TMEM117: variants seen among roughly 807,000 people sequenced by gnomAD.
TMEM117 encodes the protein transmembrane protein 117.
In TMEM117, 27 loss-of-function variants were observed where a neutral mutation model predicts 52.4. The observed-to-expected ratio is 0.51, with a 90% CI of 0.38 to 0.71. TMEM117 has a LOEUF of 0.71. TMEM117 is among the 30% of genes least tolerant of loss of function. The pLI, the probability that TMEM117 is intolerant of heterozygous loss-of-function variation, is 0.00. For missense variants in TMEM117, 556 were observed against 630.5 expected, an observed-to-expected ratio of 0.88 and a Z score of 1.26; for synonymous variants, 215 against 206.3, an observed-to-expected ratio of 1.04 and a Z score of -0.36.
At chr12:44,281,157 A>T (rs1358545592) in intron 5 of TMEM117, among the ~76,000 whole-genome samples, 1 of 152,212 alleles carries the variant, frequency 6.6e-6, no homozygotes, top group African/African-American at 2.4e-5. Flanking sequence ...TCTTACATGA[A>T]TCCTAATATT....
chr12:44,190,087 GA>G (rs1949331041), intron 4 of TMEM117, among the ~76,000 whole-genome samples: 1 of 152,176 alleles, frequency 6.6e-6, no homozygotes, highest in Admixed American at 6.5e-5. Flanking sequence ...TCAGAGTATG[GA>G]AGTGTCCATC....
At chr12:44,194,390 G>A (rs1180877894) in intron 4 of TMEM117, among the ~76,000 whole-genome samples, 1 of 152,132 alleles carries the variant, frequency 6.6e-6, no homozygotes, top group Non-Finnish European at 1.5e-5. Context: ...GCAGTAGAAT[G>A]GTGATATTGA....
chr12:44,079,003 G>T (rs1685938862), intron 3 of TMEM117, among the ~76,000 whole-genome samples: 1 of 151,872 alleles, frequency 6.6e-6, no homozygotes, highest in Admixed American at 6.6e-5. Context: ...GAGAATGATG[G>T]TTTCCAGCTT....
At chr12:44,148,046 T>TC (rs531091655) in intron 4 of TMEM117, among the ~76,000 whole-genome samples, 74 of 152,256 alleles carry the variant, frequency 4.9e-4, no homozygotes, top group Middle Eastern at 3.4e-3. Flanking sequence ...CTTCTAACAG[T>TC]CACAGGACAT....
chr12:44,036,140 T>C (rs1946706757), intron 3 of TMEM117, among the ~76,000 whole-genome samples: 1 of 152,226 alleles, frequency 6.6e-6, no homozygotes, highest in South Asian at 2.1e-4. Flanking sequence ...CATCTCACAT[T>C]GCATTAAAAA....
chr12:43,901,864 G>A (rs1166968890), intron 2 of TMEM117, among the ~76,000 whole-genome samples: 2 of 151,606 alleles, frequency 1.3e-5, no homozygotes, highest in East Asian at 3.9e-4. Flanking sequence ...GGAGAGAATG[G>A]GATTTAGTAT....
chr12:44,295,260 GT>G (rs1341730451), intron 5 of TMEM117, among the ~76,000 whole-genome samples: 7 of 152,096 alleles, frequency 4.6e-5, no homozygotes, highest in African/African-American at 1.7e-4. Context: ...CTGGAGTTGA[GT>G]GGTGTGATCT....
intron 4 of TMEM117, among the ~76,000 whole-genome samples, chr12:44,193,699 C>A (rs952363111): frequency 6.6e-6 from 1 of 152,208 alleles, no homozygotes; most frequent in Non-Finnish European, 1.5e-5. Flanking sequence ...CCTGAGAATT[C>A]ATAATATTCT....
At chr12:44,120,776 G>T (rs1013223052) in intron 3 of TMEM117, among the ~76,000 whole-genome samples, 6 of 152,170 alleles carry the variant, frequency 3.9e-5, no homozygotes, top group African/African-American at 1.4e-4. Flanking sequence ...GTTTCTGGGT[G>T]TTGGAATACA....
At chr12:44,205,705 A>G (rs1411016748) in intron 4 of TMEM117, among the ~76,000 whole-genome samples, 1 of 152,216 alleles carries the variant, frequency 6.6e-6, no homozygotes, top group African/African-American at 2.4e-5. Flanking sequence ...AAATCAAACC[A>G]CAATAAGATA....
intron 6 of TMEM117, among the ~76,000 whole-genome samples, chr12:44,363,153 T>C (rs1047257766): frequency 1.3e-5 from 2 of 152,230 alleles, no homozygotes; most frequent in Non-Finnish European, 2.9e-5. Flanking sequence ...TAGGTTTGGC[T>C]TTTACTCTTC....
chr12:44,390,369 A>T (rs1952155307), downstream of TMEM117, among the ~76,000 whole-genome samples: 3 of 152,122 alleles, frequency 2.0e-5, no homozygotes, highest in Admixed American at 2.0e-4. Context: ...TAGCTCTGGG[A>T]CATGTAAATA....
the TMEM117 span, among the ~76,000 whole-genome samples, chr12:44,394,939 T>G: frequency 6.6e-6 from 1 of 152,168 alleles, no homozygotes; most frequent in Non-Finnish European, 1.5e-5. Flanking sequence ...GAATAAAATT[T>G]TAAAACAGTG....
chr12:44,150,015 C>G (rs947552712), intron 4 of TMEM117, among the ~76,000 whole-genome samples: 3 of 152,188 alleles, frequency 2.0e-5, no homozygotes, highest in African/African-American at 7.2e-5. Flanking sequence ...GACCTAAGAG[C>G]TGAACATTCC....
At chr12:43,905,075 G>A (rs563144211) in intron 2 of TMEM117, among the ~76,000 whole-genome samples, 8 of 152,204 alleles carry the variant, frequency 5.3e-5, no homozygotes, top group East Asian at 3.9e-4. Context: ...CCCAGGAGGC[G>A]GAGGTTGCGG....
At chr12:44,308,353 A>G (rs549974069) in intron 6 of TMEM117, among the ~76,000 whole-genome samples, 3 of 152,274 alleles carry the variant, frequency 2.0e-5, no homozygotes, top group East Asian at 3.9e-4. Context: ...CGCTCTGAAA[A>G]GAATATTTCA....
At chr12:44,156,674 G>A (rs1948829698) in intron 4 of TMEM117, among the ~76,000 whole-genome samples, 1 of 152,046 alleles carries the variant, frequency 6.6e-6, no homozygotes, top group South Asian at 2.1e-4. Flanking sequence ...CAGATATTAT[G>A]GGGTCATACT....
At chr12:44,239,487 A>G (rs1950036239) in intron 5 of TMEM117, among the ~76,000 whole-genome samples, 1 of 152,132 alleles carries the variant, frequency 6.6e-6, no homozygotes, top group Non-Finnish European at 1.5e-5. Flanking sequence ...CAGCACAGAA[A>G]TTGTTATTTT....
chr12:44,305,441 T>C lies in TMEM117; in HGVS notation c.768+5702T>C, dbSNP rs929497553. On this transcript the variant is annotated intron_variant, in intron 6 of 7. Transcript: ENST00000266534. ...TAATATCTAGAATTTAAAAGATACTTAAACAACTCAACAAGCAAAAAACAG... is the reference window on the plus strand; with the variant it reads ...TAATATCTAGAATTTAAAAGATACTCAAACAACTCAACAAGCAAAAAACAG... Among the ~76,000 whole-genome samples the C allele has an allele frequency of 3.8e-4, 57 of 149,758 alleles. 1 individual carries two copies. Among genetic ancestry groups the C allele is most frequent in the Admixed American group, 4.0e-4 (6 of 14,972 alleles).
Sources: gnomAD v4.1 joint callset for allele counts (sites outside exome capture counted in the v4.1 genomes callset) on GRCh38, gnomAD v4.1.1 for gene constraint, MANE v1.5 for transcripts, NCBI Gene and HGNC (gene_info 2026-07-23, HGNC 2026-07-21) for gene names.